Variants in DMD observed in about 807,000 individuals in gnomAD.
DMD encodes mutant dystrophin.
A neutral mutation model predicts 330.1 loss-of-function variants in DMD; 63 were observed. The observed-to-expected ratio is 0.19, with a 90% CI of 0.16 to 0.24. The LOEUF is 0.24. Ranked by LOEUF, DMD falls within the 10% of genes least tolerant of loss-of-function variation. The pLI is 1.00. For missense variants in DMD, 3,344 were observed against 2,684.1 expected (o/e 1.25, Z -5.43); for synonymous variants, 1,223 against 959.8 (o/e 1.27, Z -5.07).
chrX:33,098,658 A>G (rs1415771523), intron 1 of DMD, among the ~76,000 whole-genome samples: 1 of 111,908 alleles, frequency 8.9e-6, no homozygotes, highest in Non-Finnish European at 1.9e-5. Flanking sequence ...GCTGCAAAGA[A>G]ACAGCACTCG....
At chrX:32,352,375 A>C (rs1416180048) in intron 37 of DMD, among the ~76,000 whole-genome samples, 1 of 111,226 alleles carries the variant, frequency 9.0e-6, no homozygotes. Context: ...GCCATAGTAA[A>C]AAACAAAAAA....
At chrX:33,336,292 T>C (rs1323903371) in intron 1 of DMD, among the ~76,000 whole-genome samples, 1 of 107,443 alleles carries the variant, frequency 9.3e-6, no homozygotes, top group Non-Finnish European at 1.9e-5. Flanking sequence ...CATGCTTAAG[T>C]GGTTTGTTTT....
chrX:32,544,394 A>G lies in DMD; in HGVS notation c.2168+765T>C, dbSNP rs1310199068. 2.7e-5 allele frequency among the ~76,000 whole-genome samples: 3 copies of G among 112,000 alleles called. No homozygotes were observed. In the Admixed American group the frequency reaches 2.9e-4, roughly 11 times the overall value. On this transcript the variant is annotated intron_variant, in intron 17 of 78. Coordinates refer to ENST00000357033, the MANE Select transcript of DMD (RefSeq NM_004006.3). Reference sequence around the variant, plus strand: ...AAGTGTTCCATGAGTTTCTAAACATATGCTGCTTAAAAACATACGGCAGAT... The same window carrying G: ...AAGTGTTCCATGAGTTTCTAAACATGTGCTGCTTAAAAACATACGGCAGAT...
chrX:32,718,901 A>C (rs2065984159), intron 7 of DMD, among the ~76,000 whole-genome samples: 1 of 112,089 alleles, frequency 8.9e-6, no homozygotes, highest in African/African-American at 3.2e-5. Context: ...TCCAATGTTG[A>C]CTCAAGTGTA....
rs745634940 is a variant in DMD at position 33,188,234 on chromosome X, ATCTC to A, written c.31+23044_31+23047del. On this transcript the variant is annotated intron_variant, in intron 1 of 78. Transcript: ENST00000357033. ...ACCAAATACCAGTTTTCCTTTAACC[ATCTC>A]TCTCTCTCTCTCTCTCTCTGTCTCT... Among the ~76,000 whole-genome samples the A allele has an allele frequency of 2.7e-3, 281 of 104,443 alleles. 1 individual carries two copies. The highest frequency in any genetic ancestry group is 4.7e-3 in the Non-Finnish European group (239 of 50,603). 90.7% of individuals were successfully genotyped at this position (104,443 alleles called of 115,157 possible).
intron 7 of DMD, among the ~76,000 whole-genome samples, chrX:32,794,659 G>A (rs1569523506): frequency 8.9e-6 from 1 of 111,766 alleles, no homozygotes; most frequent in African/African-American, 3.2e-5. Flanking sequence ...ATTCAACATA[G>A]TACTGGAGGT....
intron 1 of DMD, among the ~76,000 whole-genome samples, chrX:33,203,951 G>A (rs953418745): frequency 9.0e-6 from 1 of 111,306 alleles, no homozygotes; most frequent in Non-Finnish European, 1.9e-5. Flanking sequence ...GGAGCACACA[G>A]CATGCAATAC....
intron 11 of DMD, among the ~76,000 whole-genome samples, chrX:32,640,458 C>T (rs943326067): frequency 5.5e-5 from 6 of 110,049 alleles, no homozygotes; most frequent in East Asian, 2.9e-4. Context: ...AATCAGGGCA[C>T]GCTATTATCT....
intron 44 of DMD, among the ~76,000 whole-genome samples, chrX:32,128,357 T>C (rs1468224336): frequency 8.9e-6 from 1 of 112,137 alleles, no homozygotes; most frequent in Non-Finnish European, 1.9e-5. Flanking sequence ...TCAAAATTTA[T>C]ATTTTCCTTT....
At chrX:32,550,527 A>G (rs1346277088) in intron 16 of DMD, among the ~76,000 whole-genome samples, 1 of 111,307 alleles carries the variant, frequency 9.0e-6, no homozygotes, top group Non-Finnish European at 1.9e-5. Flanking sequence ...CGAAACACCC[A>G]TATCAAAAAG....
chrX:31,371,940 T>C (rs1286436235), intron 60 of DMD, among the ~76,000 whole-genome samples: 1 of 112,142 alleles, frequency 8.9e-6, no homozygotes, highest in African/African-American at 3.2e-5. Flanking sequence ...AAGTTTCTGC[T>C]TTTGTATCTA....
chrX:33,057,151 G>A (rs1443510306), intron 1 of DMD, among the ~76,000 whole-genome samples: 1 of 111,605 alleles, frequency 9.0e-6, no homozygotes, highest in Non-Finnish European at 1.9e-5. Context: ...GCTTTATTCA[G>A]ATAGAACAAA....
chrX:32,677,259 A>G (rs1034695634), intron 9 of DMD, among the ~76,000 whole-genome samples: 2 of 111,482 alleles, frequency 1.8e-5, no homozygotes, highest in Non-Finnish European at 3.8e-5. Context: ...TATTTAATGT[A>G]TTGTAAAAAT....
chrX:31,690,445 C>T (rs780867925), intron 52 of DMD, among the ~76,000 whole-genome samples: 75 of 111,663 alleles, frequency 6.7e-4, no homozygotes, highest in African/African-American at 2.2e-3. Context: ...GTTAGAATGG[C>T]AATCATTAAA....
chrX:32,660,482 TA>T (rs1387707100), intron 9 of DMD, among the ~76,000 whole-genome samples: 1 of 111,643 alleles, frequency 9.0e-6, no homozygotes, highest in Admixed American at 9.6e-5. Context: ...ATAATATTTT[TA>T]AACAGATTTG....
chrX:32,481,871 G>A (rs769559141), intron 21 of DMD, among the ~76,000 whole-genome samples: 4 of 111,454 alleles, frequency 3.6e-5, no homozygotes, highest in African/African-American at 1.3e-4. Flanking sequence ...GCACTTTTAC[G>A]GCATATACCA....
chrX:33,027,030 G>A (rs182805390), intron 1 of DMD, among the ~76,000 whole-genome samples: 1 of 112,042 alleles, frequency 8.9e-6, no homozygotes, highest in African/African-American at 3.2e-5. Context: ...ATTAAACTCT[G>A]GTAGGCAGAA....
At chrX:32,556,335 G>A (rs1466207079) in intron 16 of DMD, among the ~76,000 whole-genome samples, 1 of 111,067 alleles carries the variant, frequency 9.0e-6, no homozygotes, top group East Asian at 2.8e-4. Context: ...TGAGGTTGTG[G>A]AGAAAAGGGA....
At chrX:33,286,532 G>A (rs1050246312) in intron 1 of DMD, among the ~76,000 whole-genome samples, 3 of 112,073 alleles carry the variant, frequency 2.7e-5, no homozygotes, top group African/African-American at 9.7e-5. Context: ...TCCTGCTCTC[G>A]TCTTTATAAG....
Sources: gnomAD v4.1 joint callset for allele counts (sites outside exome capture counted in the v4.1 genomes callset) on GRCh38, gnomAD v4.1.1 for gene constraint, MANE v1.5 for transcripts, NCBI Gene and HGNC (gene_info 2026-07-23, HGNC 2026-07-21) for gene names.